The following KCNMA1 variants were observed in gnomAD, a reference collection of about 807,000 sequenced individuals.
The protein encoded by KCNMA1 is potassium calcium-activated channel subfamily M alpha 1.
In KCNMA1, 29 loss-of-function variants were observed where a neutral mutation model predicts 140.0. The observed-to-expected ratio is 0.21, with a 90% confidence interval of 0.15 to 0.28. KCNMA1 has a LOEUF of 0.28. Among genes scored for constraint, KCNMA1 ranks in the 10% least tolerant of loss-of-function variants. The pLI is 1.00. For synonymous variants in KCNMA1, 612 were observed against 611.9 expected, an observed-to-expected ratio of 1.00 and a Z score of 0.00; for missense variants, 880 against 1,602.2, an observed-to-expected ratio of 0.55 and a Z score of 7.70.
chr10:77,512,245 ACC>A (rs1372299103), intron 1 of KCNMA1, among the ~76,000 whole-genome samples: 2 of 152,168 alleles, frequency 1.3e-5, no homozygotes, highest in Non-Finnish European at 2.9e-5. Flanking sequence ...CCCTGGTCCC[ACC>A]AGCCTGACTC....
intron 5 of KCNMA1, among the ~76,000 whole-genome samples, chr10:77,155,548 C>G (rs898109684): frequency 2.0e-5 from 3 of 152,102 alleles, no homozygotes; most frequent in African/African-American, 7.2e-5. Context: ...TGTTCTGCCT[C>G]CCTGGAAGCA....
At chr10:77,209,884 C>A (rs1288738443) in intron 3 of KCNMA1, among the ~76,000 whole-genome samples, 1 of 148,070 alleles carries the variant, frequency 6.8e-6, no homozygotes, top group East Asian at 2.0e-4. Flanking sequence ...AGACCAATAA[C>A]AAGCTCTGAA....
intron 2 of KCNMA1, among the ~76,000 whole-genome samples, chr10:77,260,381 G>A (rs1407420819): frequency 1.3e-5 from 2 of 152,152 alleles, no homozygotes; most frequent in Non-Finnish European, 2.9e-5. Flanking sequence ...AAGAACAGAA[G>A]GGCAATGAAG....
chr10:77,349,916 CAG>C, intron 2 of KCNMA1, among the ~76,000 whole-genome samples: 1 of 152,192 alleles, frequency 6.6e-6, no homozygotes, highest in East Asian at 1.9e-4. Flanking sequence ...TTTTTTGAGA[CAG>C]AGTCTCGCTC....
At chr10:77,603,483 A>G (rs545070836) in intron 1 of KCNMA1, among the ~76,000 whole-genome samples, 3 of 152,314 alleles carry the variant, frequency 2.0e-5, no homozygotes, top group East Asian at 3.9e-4. Flanking sequence ...GTGTCCCTTC[A>G]GGAGAACAGG....
intron 19 of KCNMA1, among the ~76,000 whole-genome samples, chr10:76,975,106 G>T (rs984988357): frequency 3.9e-5 from 6 of 152,024 alleles, no homozygotes; most frequent in Non-Finnish European, 8.8e-5. Flanking sequence ...CATTTCCTTC[G>T]GCCGTCAGCG....
intron 1 of KCNMA1, among the ~76,000 whole-genome samples, chr10:77,575,640 C>T (rs2073796638): frequency 6.6e-6 from 1 of 152,200 alleles, no homozygotes; most frequent in African/African-American, 2.4e-5. Context: ...AGTTCACAGG[C>T]CTAAAATGCT....
chr10:76,912,238 G>C (rs1237361171), intron 24 of KCNMA1: 1 of 152,214 alleles, frequency 6.6e-6, no homozygotes, highest in East Asian at 1.9e-4. Context: ...AATTGGAATA[G>C]TCAGGTGAAA....
At chr10:76,982,390 G>C (rs577614280) in intron 19 of KCNMA1, among the ~76,000 whole-genome samples, 18 of 151,778 alleles carry the variant, frequency 1.2e-4, no homozygotes, top group Non-Finnish European at 2.1e-4. Flanking sequence ...AGGATGAATA[G>C]AGAGGTCCCG....
rs200676185 is a variant in KCNMA1 at position 76,970,007 on chromosome 10, C to T, written c.2327G>A (p.Arg776Gln). 1.4e-5 allele frequency: 23 copies of T among 1,613,742 alleles called. No individual in the cohort carries two copies. Among genetic ancestry groups the T allele is most frequent in the Admixed American group, 3.3e-5 (2 of 59,990 alleles). The change falls in exon 20 of 28, where the codon CGG becomes CAG. Residue 776 changes from arginine to glutamine, a missense_variant. Coordinates refer to ENST00000286628, the MANE Select transcript of KCNMA1 (RefSeq NM_001161352.2). ...CTTAGGCGAGGTGTTGGGTGAGTTC[C>T]GCATGCCTCCATTCCGTTGCTTTTT... is the stretch of plus-strand genomic sequence containing the variant. ...PKKKQRNGGMRNSPNTSPKLM... is the reference protein window; with the variant it reads ...PKKKQRNGGMQNSPNTSPKLM...
intron 1 of KCNMA1, among the ~76,000 whole-genome samples, chr10:77,546,999 T>A (rs1266654301): frequency 6.6e-6 from 1 of 152,124 alleles, no homozygotes; most frequent in African/African-American, 2.4e-5. Flanking sequence ...GACACAAATC[T>A]CATTCCAGAA....
intron 2 of KCNMA1, among the ~76,000 whole-genome samples, chr10:77,378,312 G>A (rs141817307): frequency 8.5e-4 from 129 of 152,264 alleles, no homozygotes; most frequent in Non-Finnish European, 1.6e-3. Context: ...CCCCACTTCC[G>A]TCGCAAAAGT....
intron 5 of KCNMA1, among the ~76,000 whole-genome samples, chr10:77,176,349 C>T (rs984103829): frequency 3.3e-5 from 5 of 152,112 alleles, no homozygotes; most frequent in African/African-American, 1.2e-4. Flanking sequence ...AATATGTTCC[C>T]CTCAGTCACT....
At chr10:77,434,680 T>C (rs1461865476) in intron 1 of KCNMA1, among the ~76,000 whole-genome samples, 1 of 152,150 alleles carries the variant, frequency 6.6e-6, no homozygotes, top group Non-Finnish European at 1.5e-5. Flanking sequence ...AGTGCCGGTG[T>C]CGAGCACTGG....
chr10:77,382,859 C>G, intron 2 of KCNMA1, among the ~76,000 whole-genome samples: 1 of 88,418 alleles, frequency 1.1e-5, no homozygotes, highest in South Asian at 4.5e-4. Context: ...GAGCAAAGCT[C>G]CGTCTCAAAA....
intron 2 of KCNMA1, among the ~76,000 whole-genome samples, chr10:77,401,192 A>G (rs1012398180): frequency 5.3e-5 from 8 of 150,350 alleles, no homozygotes; most frequent in Admixed American, 4.7e-4. Flanking sequence ...TCTGTCACCC[A>G]GGCTGGAATG....
At chr10:77,278,843 T>C (rs894464878) in intron 2 of KCNMA1, among the ~76,000 whole-genome samples, 1 of 152,216 alleles carries the variant, frequency 6.6e-6, no homozygotes, top group Non-Finnish European at 1.5e-5. Context: ...CCCTCTGCTA[T>C]TCAGTTTCAT....
chr10:77,037,339 C>G (rs1169253229), intron 15 of KCNMA1, among the ~76,000 whole-genome samples: 2 of 152,172 alleles, frequency 1.3e-5, no homozygotes, highest in African/African-American at 4.8e-5. Context: ...AGTTAGCATT[C>G]TGAGGAAATG....
chr10:77,157,771 C>A (rs2098505301), intron 5 of KCNMA1, among the ~76,000 whole-genome samples: 1 of 152,186 alleles, frequency 6.6e-6, no homozygotes, highest in African/African-American at 2.4e-5. Context: ...GTCTAGGAGG[C>A]CTGAGCATGA....
Sources: gnomAD v4.1 joint callset for allele counts (sites outside exome capture counted in the v4.1 genomes callset) on GRCh38, gnomAD v4.1.1 for gene constraint, MANE v1.5 for transcripts, NCBI Gene and HGNC (gene_info 2026-07-23, HGNC 2026-07-21) for gene names.